The following TTC7A variants were observed in gnomAD, a reference collection of about 807,000 sequenced individuals.
The protein encoded by TTC7A is tetratricopeptide repeat protein 7A.
TTC7A carries 110 observed loss-of-function variants against 103.7 expected under a neutral mutation model. That is an observed-to-expected ratio of 1.06 (90% confidence interval 0.91 to 1.24). TTC7A has a LOEUF of 1.24. TTC7A is among the 50% of genes most tolerant of loss of function. TTC7A has a pLI of 0.00. For synonymous variants in TTC7A, 521 were observed against 467.9 expected (o/e 1.11, Z -1.47); for missense variants, 1,340 against 1,116.3 (o/e 1.20, Z -2.86).
intron 15 of TTC7A, among the ~76,000 whole-genome samples, chr2:47,031,180 A>G (rs1167120547): frequency 6.6e-6 from 1 of 152,212 alleles, no homozygotes; most frequent in African/African-American, 2.4e-5. Context: ...CTAAAATTCC[A>G]GTCACTTCAC....
intron 5 of TTC7A, among the ~76,000 whole-genome samples, chr2:46,987,809 C>CGCGCGCGCGCGTGT (rs1466713336): frequency 6.9e-6 from 1 of 144,550 alleles, no homozygotes; most frequent in African/African-American, 2.6e-5. Flanking sequence ...CCTTTCCGCG[C>CGCGCGCGCGCGTGT]GTGTGTGTGT....
At chr2:46,987,912 C>G (rs986862544) in intron 5 of TTC7A, among the ~76,000 whole-genome samples, 10 of 151,974 alleles carry the variant, frequency 6.6e-5, no homozygotes, top group African/African-American at 2.4e-4. Context: ...GAAAGCCCAG[C>G]CTGCTGTTTG....
upstream of TTC7A, among the ~76,000 whole-genome samples, chr2:46,937,730 G>T (rs1670051347): frequency 6.6e-6 from 1 of 152,216 alleles, no homozygotes; most frequent in Non-Finnish European, 1.5e-5. The surrounding 1 kb of genome is among the most constrained non-coding windows in gnomAD (Gnocchi z 4.0). Context: ...GAGCTGCCAT[G>T]CCTGGCCCAA....
chr2:47,011,524 G>C, intron 11 of TTC7A, 89 bp downstream of exon 11: 1 of 1,027,718 alleles, frequency 9.7e-7, no homozygotes, highest in Non-Finnish European at 1.4e-6. Flanking sequence ...GTATGTGTGG[G>C]TGCATGCCGA....
chr2:46,935,920 G>A (rs1425375216), intron 2 of TTC7A, among the ~76,000 whole-genome samples: 1 of 152,032 alleles, frequency 6.6e-6, no homozygotes, highest in African/African-American at 2.4e-5. Context: ...GCAAGATTCA[G>A]TCTCTTAAAA....
chr2:47,033,122 C>G (rs1272319693), intron 15 of TTC7A, among the ~76,000 whole-genome samples: 1 of 152,212 alleles, frequency 6.6e-6, no homozygotes, highest in Non-Finnish European at 1.5e-5. Context: ...AATGTCATTG[C>G]TCTTCGATTG....
chr2:47,023,644 C>A (rs1158483403), intron 13 of TTC7A, among the ~76,000 whole-genome samples, 179 bp downstream of exon 13: 1 of 152,122 alleles, frequency 6.6e-6, no homozygotes, highest in African/African-American at 2.4e-5. Flanking sequence ...GGCAGCCGAG[C>A]CCTGCCTTCA....
At chr2:47,067,212 G>C (rs1047990970) in intron 19 of TTC7A, among the ~76,000 whole-genome samples, 16 of 152,218 alleles carry the variant, frequency 1.1e-4, no homozygotes, top group African/African-American at 3.9e-4. Flanking sequence ...CACTGGCTCA[G>C]TTTTTTCTGC....
At chr2:47,070,677 CCA>C in intron 19 of TTC7A, among the ~76,000 whole-genome samples, 1 of 152,168 alleles carries the variant, frequency 6.6e-6, no homozygotes, top group East Asian at 1.9e-4. Context: ...TGAGATGTGG[CCA>C]CACATCCCCA....
At chr2:47,022,053 C>A in intron 12 of TTC7A, 74 bp downstream of exon 12, 1 of 1,051,980 alleles carries the variant, frequency 9.5e-7, no homozygotes, top group Non-Finnish European at 1.4e-6. Context: ...GGCATCTTGT[C>A]CTACCGGCAC....
At chr2:46,917,172 C>CT (rs905731156) in intron 1 of TTC7A, 22 of 696,512 alleles carry the variant, frequency 3.2e-5, no homozygotes, top group Middle Eastern at 5.4e-4. Context: ...ATTTTTTTTT[C>CT]TTTTTTTAAA....
chr2:46,993,437 G>A lies in TTC7A; in HGVS notation c.765-13G>A, dbSNP rs369875349. 47 of 1,613,910 alleles carry A rather than the reference G, an allele frequency of 2.9e-5. No homozygotes were observed. The highest frequency in any genetic ancestry group is 1.1e-4 in the South Asian group (10 of 91,080). On this transcript the variant is annotated splice_polypyrimidine_tract_variant and intron_variant, in intron 5 of 19. Transcript: ENST00000319190. ...GGCTGGTAACAAATCTACTTCTGCC[G>A]TCCTCCCACCAGGAACATCGTGAAG...
At chr2:46,940,637 G>C (rs1670249125), upstream of TTC7A, among the ~76,000 whole-genome samples, 1 of 152,250 alleles carries the variant, frequency 6.6e-6, no homozygotes, top group Non-Finnish European at 1.5e-5. This position sits in a 1 kb window ranked among gnomAD's most constrained non-coding sequence, Gnocchi z 4.7. Flanking sequence ...TTCCACAGAG[G>C]ACAGGTCAAC....
rs1553388190 is a variant in TTC7A at position 47,005,233 on chromosome 2, A to AT, written c.1066-689_1066-688insT. On this transcript the variant is annotated intron_variant, in intron 8 of 19. Transcript: ENST00000319190. Reference sequence around the variant, plus strand: ...CCGGGCTGGACACAGAGAGGAAGGGAGGGGGGGGCTCTGGGAATGTCGTTG... The same window carrying AT: ...CCGGGCTGGACACAGAGAGGAAGGGATGGGGGGGGCTCTGGGAATGTCGTTG... Among the ~76,000 whole-genome samples the AT allele has an allele frequency of 2.5e-3, 382 of 149,914 alleles. 2 individuals are homozygous for AT. Among genetic ancestry groups the AT allele is most frequent in the African/African-American group, 9.1e-3 (373 of 40,846 alleles).
chr2:46,955,268 C>T (rs1053746054), intron 2 of TTC7A, among the ~76,000 whole-genome samples: 1 of 152,172 alleles, frequency 6.6e-6, no homozygotes, highest in African/African-American at 2.4e-5. Context: ...GTGCAGGGAA[C>T]GCAGAGTCAC....
At chr2:47,071,989 CAA>C (rs1684771820) in intron 19 of TTC7A, among the ~76,000 whole-genome samples, 1 of 152,226 alleles carries the variant, frequency 6.6e-6, no homozygotes, top group South Asian at 2.1e-4. Context: ...TCACAGGGCT[CAA>C]ACCCTCCATT....
intron 15 of TTC7A, among the ~76,000 whole-genome samples, chr2:47,035,114 G>A (rs1177786468): frequency 6.6e-6 from 1 of 152,092 alleles, no homozygotes; most frequent in Admixed American, 6.5e-5. Context: ...TATATTTCTC[G>A]TGGTATATTC....
chr2:46,989,591 C>T (rs1269447427), intron 5 of TTC7A, among the ~76,000 whole-genome samples: 4 of 150,682 alleles, frequency 2.7e-5, no homozygotes, highest in African/African-American at 7.3e-5. Context: ...TCTCCCTGTA[C>T]AGCCCTGGCC....
intron 10 of TTC7A, among the ~76,000 whole-genome samples, chr2:47,008,598 G>T (rs980718238): frequency 1.3e-5 from 2 of 152,174 alleles, no homozygotes; most frequent in Non-Finnish European, 2.9e-5. Context: ...CTGTGTGTTC[G>T]GTGCAGCAGG....
Sources: gnomAD v4.1 joint callset for allele counts (sites outside exome capture counted in the v4.1 genomes callset) on GRCh38, gnomAD v4.1.1 for gene constraint, Gnocchi (gnomAD v3.1) non-coding constraint, MANE v1.5 for transcripts, NCBI Gene and HGNC (gene_info 2026-07-23, HGNC 2026-07-21) for gene names.